HPSE2: variants seen among roughly 807,000 people sequenced by gnomAD.
HPSE2 encodes heparanase 2 (inactive).
In HPSE2, 38 loss-of-function variants were observed where a neutral mutation model predicts 60.5. The ratio of observed to expected loss-of-function variants is 0.63; its 90% confidence interval spans 0.48 to 0.82. HPSE2 has a LOEUF of 0.82. Ranked by LOEUF, HPSE2 falls within the 40% of genes least tolerant of loss-of-function variation. The pLI, the probability that HPSE2 is intolerant of heterozygous loss-of-function variation, is 0.00. For missense variants in HPSE2, 713 were observed against 740.4 expected, an observed-to-expected ratio of 0.96 and a Z score of 0.43; for synonymous variants, 295 against 293.2, an observed-to-expected ratio of 1.01 and a Z score of -0.06.
intron 3 of HPSE2, among the ~76,000 whole-genome samples, 193 bp downstream of exon 3, chr10:99,144,045 G>A (rs1176787992): frequency 6.6e-6 from 1 of 152,148 alleles, no homozygotes; most frequent in East Asian, 1.9e-4. Context: ...GTTTTGAGAA[G>A]AAAACACATG....
At chr10:98,589,054 A>G (rs189092281) in intron 9 of HPSE2, among the ~76,000 whole-genome samples, 8 of 152,314 alleles carry the variant, frequency 5.3e-5, no homozygotes, top group African/African-American at 1.9e-4. Flanking sequence ...TGTTTTTAAA[A>G]AAATATCTGA....
At chr10:99,122,204 T>C (rs1160806746) in intron 3 of HPSE2, among the ~76,000 whole-genome samples, 2 of 152,062 alleles carry the variant, frequency 1.3e-5, no homozygotes, top group African/African-American at 4.8e-5. Context: ...TTTAAATATA[T>C]ATAAACTTAT....
rs764363290 is a variant in HPSE2 at position 98,465,772 on chromosome 10, T to C, written c.1614-6033A>G. ...GTGACTTTTTAAATCAAATGCTGAA[T>C]GATCCAGCCTAGGTTGAACTATTTC... On this transcript the variant is annotated intron_variant, in intron 11 of 11. Transcript: ENST00000370552. 3.1e-4 allele frequency among the ~76,000 whole-genome samples: 47 copies of C among 152,254 alleles called. 1 individual carries two copies. Among genetic ancestry groups the C allele is most frequent in the Admixed American group, 2.4e-3 (36 of 15,286 alleles).
chr10:99,055,636 C>T (rs1461523042), intron 3 of HPSE2, among the ~76,000 whole-genome samples: 1 of 152,000 alleles, frequency 6.6e-6, no homozygotes, highest in East Asian at 1.9e-4. Flanking sequence ...TGTTATCTTA[C>T]CACAAAATTA....
chr10:98,672,680 G>T (rs952179595), intron 6 of HPSE2, among the ~76,000 whole-genome samples: 2 of 152,118 alleles, frequency 1.3e-5, no homozygotes, highest in Non-Finnish European at 2.9e-5. Context: ...AAAGCACTCA[G>T]CCCTTTCTCT....
chr10:98,829,331 C>T (rs1337856909), intron 3 of HPSE2, among the ~76,000 whole-genome samples: 1 of 152,064 alleles, frequency 6.6e-6, no homozygotes, highest in Non-Finnish European at 1.5e-5. Context: ...AGTTCGAGAC[C>T]AGCCTGGCCA....
At chr10:98,779,644 G>T (rs879349450) in intron 3 of HPSE2, among the ~76,000 whole-genome samples, 14 of 152,046 alleles carry the variant, frequency 9.2e-5, no homozygotes, top group Non-Finnish European at 1.9e-4. Flanking sequence ...AATGTTCTTA[G>T]ATCTTCAGAA....
chr10:98,774,315 C>T (rs962618439), intron 3 of HPSE2, among the ~76,000 whole-genome samples: 1 of 152,036 alleles, frequency 6.6e-6, no homozygotes, highest in Non-Finnish European at 1.5e-5. Context: ...TTCCTATTTG[C>T]TCCATATATC....
intron 5 of HPSE2, among the ~76,000 whole-genome samples, chr10:98,704,055 C>G (rs1388020074): frequency 6.6e-6 from 1 of 152,144 alleles, no homozygotes; most frequent in East Asian, 1.9e-4. Context: ...AGCTGATAAA[C>G]AACTTCAGCA....
intron 3 of HPSE2, among the ~76,000 whole-genome samples, chr10:98,775,214 A>G (rs767622816): frequency 8.5e-5 from 13 of 152,220 alleles, no homozygotes; most frequent in Non-Finnish European, 1.5e-4. Context: ...TGCAATCCAG[A>G]TTGCAGAAAC....
intron 3 of HPSE2, among the ~76,000 whole-genome samples, chr10:98,857,263 T>C (rs532167257): frequency 6.6e-6 from 1 of 152,320 alleles, no homozygotes; most frequent in East Asian, 1.9e-4. Flanking sequence ...CCTCTGTGGG[T>C]ACCTTACTTG....
At chr10:98,975,734 G>C (rs1397290965) in intron 3 of HPSE2, among the ~76,000 whole-genome samples, 2 of 152,278 alleles carry the variant, frequency 1.3e-5, no homozygotes, top group African/African-American at 4.8e-5. Flanking sequence ...TGTAAGTGTA[G>C]ATTATTCACC....
chr10:99,182,065 A>T (rs1847800165), intron 2 of HPSE2, among the ~76,000 whole-genome samples: 1 of 152,174 alleles, frequency 6.6e-6, no homozygotes, highest in Non-Finnish European at 1.5e-5. Flanking sequence ...CAAAACTGGG[A>T]GGAATAACTT....
intron 3 of HPSE2, among the ~76,000 whole-genome samples, chr10:98,828,875 A>T (rs1436001810): frequency 2.0e-5 from 3 of 152,204 alleles, no homozygotes; most frequent in Non-Finnish European, 4.4e-5. Context: ...AAGAACTGAA[A>T]GCAGGAACAT....
chr10:98,893,633 T>C (rs910053081), intron 3 of HPSE2, among the ~76,000 whole-genome samples: 3 of 151,832 alleles, frequency 2.0e-5, no homozygotes, highest in African/African-American at 7.3e-5. Flanking sequence ...GAATAAAACA[T>C]AAAAATATCT....
At chr10:98,930,659 CTT>C (rs1374967163) in intron 3 of HPSE2, among the ~76,000 whole-genome samples, 2 of 144,760 alleles carry the variant, frequency 1.4e-5, no homozygotes, top group Non-Finnish European at 3.0e-5. Flanking sequence ...TGTTTCCTAA[CTT>C]TTTAACAATC....
intron 3 of HPSE2, among the ~76,000 whole-genome samples, chr10:98,960,892 T>G: frequency 1.4e-5 from 1 of 72,140 alleles, no homozygotes; most frequent in Non-Finnish European, 2.5e-5. Flanking sequence ...CCCTCCCCCC[T>G]CCCCCGACCC....
chr10:99,265,433 C>T, the HPSE2 span, among the ~76,000 whole-genome samples: 19 of 152,118 alleles, frequency 1.2e-4, no homozygotes, highest in African/African-American at 4.1e-4. Flanking sequence ...TGGGGCCTGT[C>T]GGGTGGCTTG....
chr10:98,965,696 T>C (rs1187745472), intron 3 of HPSE2, among the ~76,000 whole-genome samples: 1 of 152,188 alleles, frequency 6.6e-6, no homozygotes, highest in African/African-American at 2.4e-5. Context: ...GTCTTCAACA[T>C]AAACCTCATC....
Sources: gnomAD v4.1 joint callset for allele counts (sites outside exome capture counted in the v4.1 genomes callset) on GRCh38, gnomAD v4.1.1 for gene constraint, MANE v1.5 for transcripts, NCBI Gene and HGNC (gene_info 2026-07-23, HGNC 2026-07-21) for gene names.